Variants in HSD17B12 observed in about 807,000 individuals in gnomAD.
HSD17B12 encodes the protein very-long-chain 3-oxoacyl-CoA reductase.
Under a neutral mutation model 39.3 loss-of-function variants are expected in HSD17B12, and 32 were observed. The observed-to-expected ratio is 0.81, with a 90% CI of 0.61 to 1.09. The LOEUF (loss-of-function observed/expected upper bound fraction) is 1.09. Among genes scored for constraint, HSD17B12 ranks in the 50% least tolerant of loss-of-function variants. The probability of loss-of-function intolerance (pLI) is 0.00; values close to 1 mark genes in which losing one functional copy is unlikely to be tolerated. For synonymous variants in HSD17B12, 150 were observed against 146.7 expected, an observed-to-expected ratio of 1.02 and a Z score of -0.16; for missense variants, 342 against 382.9, an observed-to-expected ratio of 0.89 and a Z score of 0.89.
chr11:43,680,728 G>A (rs1949733901), upstream of HSD17B12: 8 of 1,055,898 alleles, frequency 7.6e-6, no homozygotes, highest in Non-Finnish European at 8.8e-6. Context: ...TCGGAGCAGC[G>A]CCTATTAGTG....
the HSD17B12 span, among the ~76,000 whole-genome samples, chr11:43,557,460 T>C: frequency 6.6e-6 from 1 of 152,232 alleles, no homozygotes; most frequent in Non-Finnish European, 1.5e-5. Context: ...AGCGGTAATA[T>C]GTCTTGCATA....
rs1301810891 is a variant in HSD17B12 at position 43,815,641 on chromosome 11, A to G, written c.456+140A>G. The G allele has an allele frequency of 5.0e-5, 25 of 503,434 alleles. No individual in the cohort carries two copies. In the Admixed American group the frequency reaches 5.4e-4, roughly 11 times the overall value. 31.2% of individuals were successfully genotyped at this position (503,434 alleles called of 1,614,324 possible). On this transcript the variant is annotated intron_variant, in intron 5 of 10. Transcript: ENST00000278353. ...TGTTTACTACCTGAGTTCCCTGGGT[A>G]TGGGCCTAGCCATACTTAGTCTCAG...
chr11:43,845,685 G>A (rs959104340), intron 9 of HSD17B12, among the ~76,000 whole-genome samples: 3 of 152,130 alleles, frequency 2.0e-5, no homozygotes, highest in African/African-American at 4.8e-5. Flanking sequence ...AGGGCCTCAC[G>A]TGGGGAGACA....
At position 43,855,161 on chromosome 11, in the gene HSD17B12, C is replaced by A; in HGVS notation, c.852C>A (p.Asn284Lys). ...IHALMGSIISNLPSWIYLKIV... is the reference protein window; with the variant it reads ...IHALMGSIISKLPSWIYLKIV... The stretch of plus-strand genomic sequence containing the variant: ...TTCCCTAGGGCTCGATAATCTCAAA[C>A]CTGCCTTCTTGGATTTATTTGAAAA... Residue 284 changes from asparagine to lysine, a missense_variant, in exon 11 of 11, where the codon AAC becomes AAA. Transcript: ENST00000278353. 1.2e-6 allele frequency: 2 copies of A among 1,609,030 alleles called. No individual in the cohort carries two copies. Among genetic ancestry groups the A allele is most frequent in the East Asian group, 4.5e-5 (2 of 44,764 alleles).
intron 1 of HSD17B12, among the ~76,000 whole-genome samples, chr11:43,713,636 A>G (rs1267387062): frequency 6.6e-6 from 1 of 152,168 alleles, no homozygotes; most frequent in Non-Finnish European, 1.5e-5. Context: ...TCCTTTGGGT[A>G]TATCCAGTTA....
chr11:43,801,103 C>T (rs567000352), intron 4 of HSD17B12, among the ~76,000 whole-genome samples: 2 of 151,988 alleles, frequency 1.3e-5, no homozygotes, highest in Admixed American at 1.3e-4. Flanking sequence ...TGCACCATTA[C>T]ACTCCAGCCT....
intron 3 of HSD17B12, among the ~76,000 whole-genome samples, chr11:43,762,200 A>T (rs1470659964): frequency 2.0e-5 from 3 of 152,188 alleles, no homozygotes; most frequent in African/African-American, 7.2e-5. Flanking sequence ...GTTTTCTCAA[A>T]ATATTAAGTT....
chr11:43,784,754 A>G (rs551924781), intron 3 of HSD17B12, among the ~76,000 whole-genome samples: 5 of 152,252 alleles, frequency 3.3e-5, no homozygotes, highest in South Asian at 2.1e-4. Context: ...GCTGGAAACT[A>G]TTTTTCTAAA....
intron 1 of HSD17B12, among the ~76,000 whole-genome samples, chr11:43,687,879 C>G (rs4237644): frequency 0.94 from 143,565 of 152,326 alleles, 68,236 homozygotes; most frequent in Middle Eastern, 1. Context: ...ATAGATCAGT[C>G]TAGGTATTCA....
chr11:43,779,212 GT>G (rs1383012769), intron 3 of HSD17B12, among the ~76,000 whole-genome samples: 1 of 152,132 alleles, frequency 6.6e-6, no homozygotes, highest in Non-Finnish European at 1.5e-5. Flanking sequence ...GCTTAAATTA[GT>G]GGAGAGGACA....
chr11:43,616,976 TAAAAAAA>T, the HSD17B12 span, among the ~76,000 whole-genome samples: 1 of 97,968 alleles, frequency 1.0e-5, no homozygotes, highest in Non-Finnish European at 2.2e-5. Flanking sequence ...TATCTCAAAT[TAAAAAAA>T]AAAAAAAAAG....
the HSD17B12 span, among the ~76,000 whole-genome samples, chr11:43,615,384 G>A: frequency 1.3e-5 from 2 of 152,110 alleles, no homozygotes; most frequent in African/African-American, 4.8e-5. Context: ...CTTGTCCTGT[G>A]CATGCACAAT....
At chr11:43,797,123 C>G (rs1394448991) in intron 3 of HSD17B12, among the ~76,000 whole-genome samples, 1 of 152,178 alleles carries the variant, frequency 6.6e-6, no homozygotes, top group Admixed American at 6.5e-5. Context: ...TTAAGTCTAA[C>G]TAAGAATCAG....
the HSD17B12 span, among the ~76,000 whole-genome samples, chr11:43,653,818 G>C: frequency 6.6e-6 from 1 of 152,088 alleles, no homozygotes; most frequent in Non-Finnish European, 1.5e-5. Flanking sequence ...CATTTGGCTT[G>C]GTTCCAAGTC....
At chr11:43,601,535 C>A in the HSD17B12 span, among the ~76,000 whole-genome samples, 1 of 145,114 alleles carries the variant, frequency 6.9e-6, no homozygotes, top group Admixed American at 6.9e-5. Flanking sequence ...AGCCTGAGGG[C>A]AAAGGGAAAA....
At chr11:43,678,461 G>T (rs374548783), upstream of HSD17B12, among the ~76,000 whole-genome samples, 47 of 152,250 alleles carry the variant, frequency 3.1e-4, no homozygotes, top group Non-Finnish European at 5.9e-4. Context: ...GTCAATTTTG[G>T]CTTTTGTTGC....
intron 1 of HSD17B12, among the ~76,000 whole-genome samples, chr11:43,749,903 C>T (rs1204220418): frequency 6.6e-5 from 10 of 152,062 alleles, no homozygotes; most frequent in Admixed American, 4.6e-4. Flanking sequence ...TTGAAGCAGA[C>T]ATCTGTGCTT....
chr11:43,706,188 ATTGT>A (rs986485018), intron 1 of HSD17B12, among the ~76,000 whole-genome samples: 5 of 151,154 alleles, frequency 3.3e-5, no homozygotes, highest in African/African-American at 1.2e-4. Flanking sequence ...GAAGACAGAG[ATTGT>A]TTATCTTTAA....
chr11:43,688,889 A>G (rs1168166474), intron 1 of HSD17B12, among the ~76,000 whole-genome samples: 2 of 152,238 alleles, frequency 1.3e-5, no homozygotes, highest in Non-Finnish European at 2.9e-5. Context: ...GTTCTAGTAT[A>G]GTCCTTACTG....
Sources: allele counts gnomAD v4.1 joint callset (sites outside exome capture counted in the v4.1 genomes callset), GRCh38; gene constraint gnomAD v4.1.1; transcripts MANE v1.5; gene names NCBI Gene and HGNC (gene_info 2026-07-23, HGNC 2026-07-21).